Variants in GIGYF1 observed in about 807,000 individuals in gnomAD.
GIGYF1 encodes GRB10 interacting GYF protein 1.
GIGYF1 carries 84 observed loss-of-function variants against 147.1 expected under a neutral mutation model. The observed-to-expected ratio is 0.57, with a 90% CI of 0.48 to 0.68. The LOEUF (loss-of-function observed/expected upper bound fraction) is 0.68, where lower values mean the gene tolerates loss of function less well. GIGYF1 is among the 30% of genes least tolerant of loss of function. The pLI is 0.00. For synonymous variants in GIGYF1, 752 were observed against 589.5 expected, an observed-to-expected ratio of 1.28 and a Z score of -3.99; for missense variants, 1,485 against 1,393.7, an observed-to-expected ratio of 1.07 and a Z score of -1.04.
At chr7:100,691,672 CCTT>C (rs1469631028) in intron 1 of GIGYF1, among the ~76,000 whole-genome samples, 2 of 152,052 alleles carry the variant, frequency 1.3e-5, no homozygotes, top group Admixed American at 6.6e-5. Context: ...CTCAGGGTCT[CCTT>C]CTCACAGGCC....
intron 1 of GIGYF1, among the ~76,000 whole-genome samples, chr7:100,691,367 G>A (rs1703329397): frequency 6.6e-6 from 1 of 152,280 alleles, no homozygotes; most frequent in African/African-American, 2.4e-5. Flanking sequence ...ACTGGGCCAA[G>A]GGGAAGGCAA....
At chr7:100,693,726 C>T (rs2131410307) in intron 1 of GIGYF1, among the ~76,000 whole-genome samples, 1 of 151,860 alleles carries the variant, frequency 6.6e-6, no homozygotes, top group African/African-American at 2.4e-5. Flanking sequence ...GGCCCGGGGG[C>T]GACCGTTAGG....
chr7:100,691,248 G>A (rs1476638772), intron 1 of GIGYF1, among the ~76,000 whole-genome samples: 1 of 152,202 alleles, frequency 6.6e-6, no homozygotes, highest in Non-Finnish European at 1.5e-5. Flanking sequence ...GGCAGGGGGT[G>A]CACAGGGCAG....
intron 9 of GIGYF1, 49 bp downstream of exon 9, chr7:100,686,957 A>G (rs1584502939): frequency 1.2e-6 from 2 of 1,610,438 alleles, no homozygotes; most frequent in East Asian, 4.5e-5. Context: ...TGGGCCACCC[A>G]TCTTGGTCCT....
Position 100,682,237 on chromosome 7 carries a change from T to G in GIGYF1, c.2762-2A>C. 1 of 1,610,994 alleles carries G rather than the reference T, an allele frequency of 6.2e-7. No homozygotes were observed. The highest frequency in any genetic ancestry group is 8.5e-7 in the Non-Finnish European group (1 of 1,179,306). On this transcript the variant is annotated splice_acceptor_variant, in intron 24 of 26. Transcript: ENST00000678049. LOFTEE classifies it high-confidence loss of function. ...TGAGGATCGCTACAGCCATGGGCAC[T>G]GCAGGATGAGCGAAGGCTGTCAGGG... is the stretch of plus-strand genomic sequence containing the variant.
rs749278992 is a variant in GIGYF1, at chr7:100,685,376, T to G, written c.1160A>C (p.Glu387Ala). Residue 387 changes from glutamate (E) to alanine (A), a missense_variant, in exon 13 of 27, where the codon GAA (glutamate) becomes GCA (alanine). By Grantham distance (107) the Glu-to-Ala change is moderately radical. Transcript: ENST00000678049. ...CGCTGGGGGCTCTTTCTCTGCAGTT[T>G]CGTCCCCATCCCCGTTTGTCCCCCA... ...PLWGTNGDGD[E>A]TAEKEPPAAE... 303 of 1,598,522 alleles carry G rather than the reference T, an allele frequency of 1.9e-4. No homozygotes were observed. The Middle Eastern group carries it at 1.9e-3, about 10-fold the overall frequency.
At chr7:100,693,683 G>GC (rs1806006575) in intron 1 of GIGYF1, among the ~76,000 whole-genome samples, 2 of 152,106 alleles carry the variant, frequency 1.3e-5, no homozygotes, top group South Asian at 4.1e-4. Context: ...AGGGTCGGGG[G>GC]CCCCCAGGCG....
In GIGYF1 at chr7:100,687,636, C is replaced by A. The variant is rs1011946466; in HGVS notation, c.262-20G>T. On this transcript the variant is annotated intron_variant, in intron 6 of 26. Coordinates refer to ENST00000678049, the MANE Select transcript of GIGYF1 (RefSeq NM_001375765.1). ...GTTTCTCTGAGGAGGGAGCCAGGGG[C>A]GGGAGTGAGGACCCAGGCACCCAAC... The A allele has an allele frequency of 6.3e-7, 1 of 1,588,052 alleles. No homozygotes were observed. The highest frequency in any genetic ancestry group is 8.6e-7 in the Non-Finnish European group (1 of 1,164,854).
At chr7:100,682,505 G>A (rs1425106138) in intron 23 of GIGYF1, 23 bp from the exon 24 acceptor site, 1 of 1,608,044 alleles carries the variant, frequency 6.2e-7, no homozygotes, top group Non-Finnish European at 8.5e-7. Flanking sequence ...GGTGAGTCAG[G>A]GTTGGAAATC....
In GIGYF1 at chr7:100,682,079, T is replaced by TGCTGCC; in HGVS notation, c.2912_2917dup (p.Arg971_Gln972dup). 1 of 1,612,820 alleles carries TGCTGCC rather than the reference T, an allele frequency of 6.2e-7. No individual in the cohort carries two copies. Among genetic ancestry groups the TGCTGCC allele is most frequent in the South Asian group, 1.1e-5 (1 of 91,070 alleles). On this transcript the variant is annotated inframe_insertion, in exon 25 of 27. Coordinates refer to ENST00000678049, the MANE Select transcript of GIGYF1 (RefSeq NM_001375765.1). Reference sequence around the variant, plus strand: ...TGGTGCCGGCTGCCTCACCTGCTGCTGCTGCCGCTGCTGGCTGGCTTTCTG... The same window carrying TGCTGCC: ...TGGTGCCGGCTGCCTCACCTGCTGCTGCTGCCGCTGCCGCTGCTGGCTGGCTTTCTG...
chr7:100,682,988 C>G (rs1804933688), intron 22 of GIGYF1, 24 bp downstream of exon 22: 1 of 1,469,528 alleles, frequency 6.8e-7, no homozygotes, highest in Admixed American at 2.4e-5. Context: ...TAGGGGGAGC[C>G]CGGGAGGTTC....
rs748455947 is a variant in GIGYF1, at chr7:100,694,170, GGACGGC to G, written c.-1165_-1160del. ...GCGGCGCGCGGCGGGCGGGGGCCGG[GGACGGC>G]GACGGCGGCTAGCAGCGGGGGAGGG... On this transcript the variant is annotated 5_prime_UTR_variant, in exon 1 of 27. Coordinates refer to ENST00000678049, the MANE Select transcript of GIGYF1 (RefSeq NM_001375765.1). 0.86 allele frequency: 124,358 copies of G among 144,852 alleles called. 53,522 individuals carry two copies. The highest frequency in any genetic ancestry group is 0.93 in the East Asian group (4,490 of 4,806). 9.0% of individuals were successfully genotyped at this position (144,852 alleles called of 1,614,324 possible).
Position 100,683,799 on chromosome 7 carries a change from G to C in GIGYF1, c.1969+19C>G. On this transcript the variant is annotated intron_variant, in intron 19 of 26. Transcript: ENST00000678049. The stretch of plus-strand genomic sequence containing the variant: ...ACCCGGAGACTGCCTTGGGGGTGGG[G>C]ACCAGTCAGGCCACACACCTGACTG... 1 of 1,574,798 alleles carries C rather than the reference G, an allele frequency of 6.4e-7. No individual in the cohort carries two copies. The highest frequency in any genetic ancestry group is 1.3e-5 in the African/African-American group (1 of 74,172).
chr7:100,682,613 G>A lies in GIGYF1; in HGVS notation c.2577C>T (p.Asn859=). Residue 859 remains asparagine (N), a synonymous_variant, in exon 23 of 27, where the codon AAC becomes AAT. Coordinates refer to ENST00000678049, the MANE Select transcript of GIGYF1 (RefSeq NM_001375765.1). ...ACCTGAGAGATGGGCTGCTCCGGCTGTTCTTCAGGCCGAGGCCACGGACCA... is the reference window on the plus strand; with the variant it reads ...ACCTGAGAGATGGGCTGCTCCGGCTATTCTTCAGGCCGAGGCCACGGACCA... The part of the protein sequence containing the change: ...GSLVRGLGLK[N]SRSSPSLSDS... The A allele has an allele frequency of 6.3e-7, 1 of 1,598,074 alleles. No homozygotes were observed. The highest frequency in any genetic ancestry group is 8.5e-7 in the Non-Finnish European group (1 of 1,175,426).
intron 10 of GIGYF1, 27 bp downstream of exon 10, chr7:100,686,622 G>A (rs566409505): frequency 6.0e-5 from 96 of 1,591,960 alleles, no homozygotes; most frequent in African/African-American, 1.1e-4. Context: ...CACTGCCCCC[G>A]CCAATGCTAC....
Position 100,686,004 on chromosome 7 carries a change from C to T in GIGYF1, c.1024G>A (p.Glu342Lys), listed in dbSNP as rs149152047. 3.6e-5 allele frequency: 58 copies of T among 1,612,622 alleles called. No individual in the cohort carries two copies. The highest frequency in any genetic ancestry group is 3.8e-5 in the Non-Finnish European group (45 of 1,179,968). ...QGLEEEEEPS[E>K]GLEEEGPEAG... is the part of the protein sequence containing the mutation. ...TCAGGCCCTTCCTCCTCTAGCCCTTCGGAAGGTTCCTCCTCCTCCTCCAAC... is the reference window on the plus strand; with the variant it reads ...TCAGGCCCTTCCTCCTCTAGCCCTTTGGAAGGTTCCTCCTCCTCCTCCAAC... The change falls in exon 12 of 27, where the codon GAA becomes AAA. Residue 342 changes from glutamate (E) to lysine (K), a missense_variant. By Grantham distance (56) the Glu-to-Lys change is moderately conservative. Transcript: ENST00000678049.
intron 1 of GIGYF1, among the ~76,000 whole-genome samples, chr7:100,690,464 G>A (rs1027301500): frequency 1.3e-5 from 2 of 152,150 alleles, no homozygotes; most frequent in African/African-American, 2.4e-5. Context: ...CGACTCTACA[G>A]AAACAATTCT....
Position 100,684,457 on chromosome 7 carries a change from G to T in GIGYF1, c.1622C>A (p.Pro541Gln). Residue 541 changes from proline (P) to glutamine (Q), a missense_variant, in exon 16 of 27, where the codon CCA (proline) becomes CAA (glutamine). By Grantham distance (76) the Pro-to-Gln change is moderately conservative. Transcript: ENST00000678049. Reference protein sequence around the residue: ...VPFAPGPSPPPLLGNMDQERL... With the variant: ...VPFAPGPSPPQLLGNMDQERL... ...AGGGGAGAAGCGGCTCACCAGCAGT[G>T]GGGGAGGTGAGGGCCCTGGGGCAAA... is the stretch of plus-strand genomic sequence containing the variant. 1 of 1,612,678 alleles carries T rather than the reference G, an allele frequency of 6.2e-7. No individual in the cohort carries two copies. Among genetic ancestry groups the T allele is most frequent in the Non-Finnish European group, 8.5e-7 (1 of 1,179,954 alleles).
Position 100,686,755 on chromosome 7 carries a change from C to T in GIGYF1, c.588G>A (p.Glu196=). 1 of 1,614,038 alleles carries T rather than the reference C, an allele frequency of 6.2e-7. No homozygotes were observed. The highest frequency in any genetic ancestry group is 8.5e-7 in the Non-Finnish European group (1 of 1,180,030). The change falls in exon 10 of 27, where the codon GAG becomes GAA. Residue 196 remains glutamate (E), a synonymous_variant. Transcript: ENST00000678049. ...GTTCCTCCCGTAGGGAGCGCCAGTT[C>T]TCGCTGTCTGAGCGGGCGTGCTCCT... The part of the protein sequence containing the change: ...PRKEHARSDS[E]NWRSLREEQE...
Sources: allele counts gnomAD v4.1 joint callset (sites outside exome capture counted in the v4.1 genomes callset), GRCh38; gene constraint gnomAD v4.1.1; transcripts MANE v1.5; gene names NCBI Gene and HGNC (gene_info 2026-07-23, HGNC 2026-07-21).